GFRA2: variants seen among roughly 807,000 people sequenced by gnomAD.
GFRA2 encodes the protein GDNF family receptor alpha-2.
In GFRA2, 17 loss-of-function variants were observed where a neutral mutation model predicts 48.3. The ratio of observed to expected loss-of-function variants is 0.35; its 90% CI spans 0.24 to 0.53. The LOEUF (loss-of-function observed/expected upper bound fraction) is 0.53. GFRA2 is among the 20% of genes least tolerant of loss of function. The pLI is 0.93. For missense variants in GFRA2, 660 were observed against 637.3 expected, an observed-to-expected ratio of 1.04 and a Z score of -0.38; for synonymous variants, 305 against 257.2, an observed-to-expected ratio of 1.19 and a Z score of -1.78.
At chr8:21,800,837 G>A (rs1807757276) in intron 2 of GFRA2, among the ~76,000 whole-genome samples, 1 of 151,728 alleles carries the variant, frequency 6.6e-6, no homozygotes, top group South Asian at 2.1e-4. Flanking sequence ...GAAGCAAGAG[G>A]ATGGCTTGAG....
At chr8:21,708,736 G>C (rs1263304699) in intron 4 of GFRA2, among the ~76,000 whole-genome samples, 2 of 152,134 alleles carry the variant, frequency 1.3e-5, no homozygotes, top group Admixed American at 1.3e-4. Flanking sequence ...CAGAAGCCAA[G>C]GAATGCCCAG....
chr8:21,737,302 G>A (rs1371694814), intron 4 of GFRA2, among the ~76,000 whole-genome samples: 2 of 152,062 alleles, frequency 1.3e-5, no homozygotes, highest in African/African-American at 4.8e-5. Context: ...CTGGGAGGTG[G>A]AGGTTGCAGT....
intron 1 of GFRA2, among the ~76,000 whole-genome samples, chr8:21,806,801 A>G (rs538210805): frequency 6.6e-6 from 1 of 152,344 alleles, no homozygotes; most frequent in Non-Finnish European, 1.5e-5. Context: ...TTTTCAATTT[A>G]CAACAGATTT....
At chr8:21,784,345 C>T (rs1303739551) in intron 1 of GFRA2, 9 of 456,000 alleles carry the variant, frequency 2.0e-5, no homozygotes, top group African/African-American at 4.0e-5. Context: ...TTTCCTGGAC[C>T]GAAAGAGTAA....
rs937644065 is a variant in GFRA2 at position 21,691,210 on chromosome 8, G to A, written c.*2068C>T. On this transcript the variant is annotated 3_prime_UTR_variant, in exon 9 of 9. Coordinates refer to ENST00000524240, the MANE Select transcript of GFRA2 (RefSeq NM_001495.5). ...AGTAGAAACATCTTCTCGCCTACCAGTCTTCCATTCTCCCTCCTGCCATGG... is the reference window on the plus strand; with the variant it reads ...AGTAGAAACATCTTCTCGCCTACCAATCTTCCATTCTCCCTCCTGCCATGG... 5.3e-5 allele frequency: 8 copies of A among 152,218 alleles called. No individual in the cohort carries two copies. Among genetic ancestry groups the A allele is most frequent in the African/African-American group, 1.7e-4 (7 of 41,452 alleles). The allele number at this position is 152,218 out of a possible 1,614,324, so 9.4% of individuals were successfully genotyped here. A position where few individuals can be genotyped will look rare whatever the true frequency, so the allele number is the denominator to read the frequency against.
chr8:21,723,789 T>A (rs1803723294), intron 4 of GFRA2, among the ~76,000 whole-genome samples: 1 of 152,202 alleles, frequency 6.6e-6, no homozygotes, highest in Admixed American at 6.5e-5. Flanking sequence ...ATAAGACCAT[T>A]GGCCATGCAG....
intron 4 of GFRA2, among the ~76,000 whole-genome samples, chr8:21,727,759 C>T (rs1803950146): frequency 6.6e-6 from 1 of 152,228 alleles, no homozygotes; most frequent in Admixed American, 6.5e-5. Flanking sequence ...CATCTGTCCT[C>T]TCCTTACCAC....
Position 21,764,780 on chromosome 8 carries a change from G to A in GFRA2, c.439+10192C>T, listed in dbSNP as rs556623402. Reference sequence around the variant, plus strand: ...CAGGTACAAATGTGCCACCATCATTGCCTTTCTCAAGACAGAACAAAACCA... The same window carrying A: ...CAGGTACAAATGTGCCACCATCATTACCTTTCTCAAGACAGAACAAAACCA... On this transcript the variant is annotated intron_variant, in intron 3 of 8. Coordinates refer to ENST00000524240, the MANE Select transcript of GFRA2 (RefSeq NM_001495.5). Among the ~76,000 whole-genome samples the A allele has an allele frequency of 2.8e-4, 42 of 152,282 alleles. No individual in the cohort carries two copies. In the South Asian group the frequency reaches 4.6e-3, roughly 17 times the overall value.
chr8:21,791,274 G>A (rs1807569242), upstream of GFRA2, among the ~76,000 whole-genome samples: 1 of 152,158 alleles, frequency 6.6e-6, no homozygotes, highest in African/African-American at 2.4e-5. Context: ...CACGGGAGTA[G>A]GAAAGAGGAT....
chr8:21,728,314 G>T (rs1214471607), intron 4 of GFRA2, among the ~76,000 whole-genome samples: 5 of 110,826 alleles, frequency 4.5e-5, no homozygotes, highest in Non-Finnish European at 8.3e-5. Context: ...TCACTCTGTT[G>T]CCCAGGCTGG....
intron 1 of GFRA2, among the ~76,000 whole-genome samples, chr8:21,807,333 C>A (rs927497380): frequency 1.3e-5 from 2 of 152,168 alleles, no homozygotes; most frequent in African/African-American, 2.4e-5. Flanking sequence ...CCACTTTCCT[C>A]CATGGGATGA....
chr8:21,696,882 A>G (rs1348395282), intron 7 of GFRA2, among the ~76,000 whole-genome samples: 3 of 139,060 alleles, frequency 2.2e-5, no homozygotes, highest in African/African-American at 8.1e-5. Context: ...GGAAAGAGGA[A>G]GAGGGGGAGG....
chr8:21,734,845 T>C (rs376734620), intron 4 of GFRA2, among the ~76,000 whole-genome samples: 18 of 152,358 alleles, frequency 1.2e-4, no homozygotes, highest in South Asian at 8.3e-4. Flanking sequence ...GAAAATATCT[T>C]GGCCTCCAAA....
intron 4 of GFRA2, among the ~76,000 whole-genome samples, chr8:21,745,950 C>T (rs78497028): frequency 6.6e-6 from 1 of 152,196 alleles, no homozygotes; most frequent in East Asian, 1.9e-4. Context: ...GTAAAATAAC[C>T]TCTAGTGGAG....
chr8:21,748,652 T>C (rs914704932), intron 4 of GFRA2, among the ~76,000 whole-genome samples: 5 of 152,326 alleles, frequency 3.3e-5, no homozygotes, highest in Admixed American at 2.6e-4. Context: ...ACTTTCTCTG[T>C]AACTTGCCAG....
intron 2 of GFRA2, among the ~76,000 whole-genome samples, chr8:21,794,875 G>A (rs927789422): frequency 1.8e-4 from 28 of 152,348 alleles, no homozygotes; most frequent in Non-Finnish European, 3.2e-4. Context: ...CAGGGCTGCT[G>A]GGGCAGGCTG....
intron 4 of GFRA2, among the ~76,000 whole-genome samples, chr8:21,746,595 T>C (rs546474480): frequency 1.7e-4 from 26 of 152,214 alleles, no homozygotes; most frequent in Non-Finnish European, 2.8e-4. Flanking sequence ...GGAGTCTCCA[T>C]TGTTTAAATT....
In GFRA2 at chr8:21,788,551, G is replaced by A. The variant is rs1404923486; in HGVS notation, c.-392C>T. The A allele has an allele frequency of 3.0e-6, 3 of 1,014,608 alleles. No individual in the cohort carries two copies. Among genetic ancestry groups the A allele is most frequent in the Non-Finnish European group, 3.5e-6 (3 of 849,970 alleles). The allele number at this position is 1,014,608 out of a possible 1,614,324, so 62.9% of individuals were successfully genotyped here. Reference sequence around the variant, plus strand: ...AGGGGCCTGGGGAGGTGGGGAGAGAGGCGATTTGCGAGTGAAGGGCTGGAA... The same window carrying A: ...AGGGGCCTGGGGAGGTGGGGAGAGAAGCGATTTGCGAGTGAAGGGCTGGAA... On this transcript the variant is annotated 5_prime_UTR_variant, in exon 1 of 9. Coordinates refer to ENST00000524240, the MANE Select transcript of GFRA2 (RefSeq NM_001495.5).
chr8:21,742,458 A>C (rs1020559035), intron 4 of GFRA2, among the ~76,000 whole-genome samples: 18 of 152,222 alleles, frequency 1.2e-4, no homozygotes, highest in African/African-American at 3.9e-4. Flanking sequence ...CCAGGATCTC[A>C]GATCTCCAGC....
Sources: allele counts gnomAD v4.1 joint callset (sites outside exome capture counted in the v4.1 genomes callset), GRCh38; gene constraint gnomAD v4.1.1; transcripts MANE v1.5; gene names NCBI Gene and HGNC (gene_info 2026-07-23, HGNC 2026-07-21).